The following HS3ST1 variants were observed in gnomAD, a reference collection of about 807,000 sequenced individuals.
The protein encoded by HS3ST1 is heparan sulfate glucosamine 3-O-sulfotransferase 1.
Under a neutral mutation model 20.7 loss-of-function variants are expected in HS3ST1, and 8 were observed. The ratio of observed to expected loss-of-function variants is 0.39; its 90% CI spans 0.23 to 0.70. The LOEUF (loss-of-function observed/expected upper bound fraction) is 0.70. HS3ST1 is among the 30% of genes least tolerant of loss of function. The pLI is 0.46. For missense variants in HS3ST1, 436 were observed against 423.4 expected, an observed-to-expected ratio of 1.03 and a Z score of -0.26; for synonymous variants, 205 against 190.4, an observed-to-expected ratio of 1.08 and a Z score of -0.63.
At chr4:11,410,720 T>C (rs918503001) in intron 1 of HS3ST1, among the ~76,000 whole-genome samples, 7 of 152,018 alleles carry the variant, frequency 4.6e-5, no homozygotes, top group African/African-American at 9.7e-5. Context: ...GGTGAAACCC[T>C]GTCTCTACTA....
In HS3ST1 at chr4:11,396,469, C is replaced by G. The variant is rs1325715074; in HGVS notation, c.*2613G>C. ...AGGAGACCCACCCCTTCCACTGACACCTGTCTCTGTTAATGGAATTGGTAG... is the reference window on the plus strand; with the variant it reads ...AGGAGACCCACCCCTTCCACTGACAGCTGTCTCTGTTAATGGAATTGGTAG... On this transcript the variant is annotated 3_prime_UTR_variant, in exon 2 of 2. Coordinates refer to ENST00000002596, the MANE Select transcript of HS3ST1 (RefSeq NM_005114.4). 1.3e-5 allele frequency: 2 copies of G among 152,270 alleles called. No homozygotes were observed. Among genetic ancestry groups the G allele is most frequent in the East Asian group, 1.9e-4 (1 of 5,192 alleles). 9.4% of individuals were successfully genotyped at this position (152,270 alleles called of 1,614,324 possible).
rs768764336 is a variant in HS3ST1, at chr4:11,399,457, C to G, written c.549G>C (p.Arg183Ser). The G allele has an allele frequency of 6.2e-7, 1 of 1,613,992 alleles. No individual in the cohort carries two copies. The highest frequency in any genetic ancestry group is 8.5e-7 in the Non-Finnish European group (1 of 1,180,000). ...TGAGGGCCTTGTAGTCCACATTGAG[C>G]CTGCCATCGCGCACCAGGAACTCCT... Reference protein sequence around the residue: ...SIEEFLVRDGRLNVDYKALNR... With the variant: ...SIEEFLVRDGSLNVDYKALNR... The change falls in exon 2 of 2, where the codon AGG becomes AGC. Residue 183 changes from arginine (R) to serine (S), a missense_variant. Coordinates refer to ENST00000002596, the MANE Select transcript of HS3ST1 (RefSeq NM_005114.4). The surrounding 1 kb of genome is among the most constrained non-coding windows in gnomAD (Gnocchi z 5.1).
Position 11,394,224 on chromosome 4 carries a change from C to G in HS3ST1, c.*4858G>C, listed in dbSNP as rs1718078771. The G allele has an allele frequency of 6.6e-6, 1 of 152,192 alleles. No individual in the cohort carries two copies. The highest frequency in any genetic ancestry group is 1.5e-5 in the Non-Finnish European group (1 of 68,048). The allele number at this position is 152,192 out of a possible 1,614,324, so 9.4% of individuals were successfully genotyped here. The stretch of plus-strand genomic sequence containing the variant: ...AGAAGGAAATGGAGGTTCTCAGAGT[C>G]TGAATCTAAGATCCCATGGTCAGTG... On this transcript the variant is annotated 3_prime_UTR_variant, in exon 2 of 2. Coordinates refer to ENST00000002596, the MANE Select transcript of HS3ST1 (RefSeq NM_005114.4).
intron 1 of HS3ST1, among the ~76,000 whole-genome samples, chr4:11,421,860 CT>C (rs1332342827): frequency 1.3e-5 from 2 of 152,200 alleles, no homozygotes; most frequent in African/African-American, 4.8e-5. Flanking sequence ...AGTCTGCCAC[CT>C]TTACTCTGGG....
chr4:11,418,725 AC>A (rs1314289503), intron 1 of HS3ST1, among the ~76,000 whole-genome samples: 1 of 151,870 alleles, frequency 6.6e-6, no homozygotes, highest in African/African-American at 2.4e-5. Flanking sequence ...AATAAACCAA[AC>A]CAAACCCCCA....
chr4:11,415,098 G>A, intron 1 of HS3ST1, among the ~76,000 whole-genome samples: 1 of 152,202 alleles, frequency 6.6e-6, no homozygotes, highest in Non-Finnish European at 1.5e-5. Flanking sequence ...AGGAAATTTG[G>A]AATATGCTTC....
chr4:11,399,145 T>G lies in HS3ST1; in HGVS notation c.861A>C (p.Glu287Asp), dbSNP rs1301642098. ...VDPKLLNKLH[E>D]YFHEPNKKFF... Reference sequence around the variant, plus strand: ...ACTTCTTATTTGGCTCATGAAAATATTCGTGCAGTTTATTGAGTAGTTTGG... The same window carrying G: ...ACTTCTTATTTGGCTCATGAAAATAGTCGTGCAGTTTATTGAGTAGTTTGG... Residue 287 changes from glutamate to aspartate, a missense_variant, in exon 2 of 2, where the codon GAA (glutamate) becomes GAC (aspartate). Transcript: ENST00000002596. The surrounding 1 kb of genome is among the most constrained non-coding windows in gnomAD (Gnocchi z 5.1). The G allele has an allele frequency of 1.2e-6, 2 of 1,614,186 alleles. No individual in the cohort carries two copies. Among genetic ancestry groups the G allele is most frequent in the South Asian group, 2.2e-5 (2 of 91,084 alleles).
At chr4:11,430,075 A>C (rs1719174423), upstream of HS3ST1, among the ~76,000 whole-genome samples, 1 of 152,206 alleles carries the variant, frequency 6.6e-6, no homozygotes. Context: ...ATCCCATCTA[A>C]GAGAAGGTTC....
intron 1 of HS3ST1, among the ~76,000 whole-genome samples, chr4:11,409,681 A>T (rs1438515892): frequency 1.3e-5 from 2 of 152,260 alleles, no homozygotes; most frequent in Non-Finnish European, 2.9e-5. Flanking sequence ...AAGGTATTTG[A>T]TGATAGCAGC....
At chr4:11,415,205 G>A (rs1718742095) in intron 1 of HS3ST1, among the ~76,000 whole-genome samples, 1 of 152,142 alleles carries the variant, frequency 6.6e-6, no homozygotes, top group Non-Finnish European at 1.5e-5. Flanking sequence ...ATGTAAATAG[G>A]GAAACAGAGA....
chr4:11,426,466 G>C (rs1259792837), intron 1 of HS3ST1, among the ~76,000 whole-genome samples: 1 of 151,832 alleles, frequency 6.6e-6, no homozygotes, highest in Non-Finnish European at 1.5e-5. Context: ...GGGGGGGCTT[G>C]AGGCTTCATT....
At chr4:11,426,099 G>T (rs972273004) in intron 1 of HS3ST1, among the ~76,000 whole-genome samples, 1 of 152,154 alleles carries the variant, frequency 6.6e-6, no homozygotes, top group African/African-American at 2.4e-5. Flanking sequence ...CCTGAGCACT[G>T]ACCCAGCCTA....
In HS3ST1 at chr4:11,394,449, G is replaced by GT. The variant is rs1407640566; in HGVS notation, c.*4632dup. 2 of 152,222 alleles carry GT rather than the reference G, an allele frequency of 1.3e-5. No homozygotes were observed. Among genetic ancestry groups the GT allele is most frequent in the East Asian group, 3.8e-4 (2 of 5,202 alleles). 9.4% of individuals were successfully genotyped at this position (152,222 alleles called of 1,614,324 possible). ...TCTTTAGCTTTGGCCTTCTCTCACT[G>GT]TGTGCTGTTTGGAGAACTCTGTTAT... On this transcript the variant is annotated 3_prime_UTR_variant, in exon 2 of 2. Coordinates refer to ENST00000002596, the MANE Select transcript of HS3ST1 (RefSeq NM_005114.4).
intron 1 of HS3ST1, among the ~76,000 whole-genome samples, chr4:11,412,113 G>A (rs1160155093): frequency 1.3e-5 from 2 of 152,138 alleles, no homozygotes; most frequent in Non-Finnish European, 2.9e-5. Context: ...CTTCTATTCA[G>A]GTAATCAATA....
chr4:11,395,504 G>A lies in HS3ST1; in HGVS notation c.*3578C>T, dbSNP rs1304561174. 1 of 104,724 alleles carries A rather than the reference G, an allele frequency of 9.5e-6. No homozygotes were observed. Among genetic ancestry groups the A allele is most frequent in the Non-Finnish European group, 1.8e-5 (1 of 56,102 alleles). The allele number at this position is 104,724 out of a possible 1,614,324, so 6.5% of individuals were successfully genotyped here. A position where few individuals can be genotyped will look rare whatever the true frequency, so the allele number is the denominator to read the frequency against. ...TTTTTTTTTTTTTTTTTGAGATGGA[G>A]TCTTGCTCTGTTGCCCAGGCTGGAG... is the stretch of plus-strand genomic sequence containing the variant. On this transcript the variant is annotated 3_prime_UTR_variant, in exon 2 of 2. Coordinates refer to ENST00000002596, the MANE Select transcript of HS3ST1 (RefSeq NM_005114.4).
chr4:11,410,899 AAAT>A (rs1348227861), intron 1 of HS3ST1, among the ~76,000 whole-genome samples: 59 of 21,674 alleles, frequency 2.7e-3, no homozygotes, highest in African/African-American at 7.3e-3. Flanking sequence ...CTCAAAAAAT[AAAT>A]AAATAAATAA....
In HS3ST1 at chr4:11,400,043, C is replaced by G; in HGVS notation, c.-38G>C. 1 of 1,457,002 alleles carries G rather than the reference C, an allele frequency of 6.9e-7. No individual in the cohort carries two copies. 90.3% of individuals were successfully genotyped at this position (1,457,002 alleles called of 1,614,324 possible). A position where few individuals can be genotyped will look rare whatever the true frequency, so the allele number is the denominator to read the frequency against. ...GGTGGCTTCACTGGGCCGCGCGCCG[C>G]TGGGTCATGAAGTGCCGCAGCAGGG... On this transcript the variant is annotated 5_prime_UTR_variant, in exon 2 of 2. Transcript: ENST00000002596.
At chr4:11,405,009 A>T (rs1372805807) in intron 1 of HS3ST1, among the ~76,000 whole-genome samples, 4 of 152,248 alleles carry the variant, frequency 2.6e-5, no homozygotes, top group Non-Finnish European at 5.9e-5. Flanking sequence ...CAGGAACTTC[A>T]CTGTCACTTT....
At chr4:11,424,625 C>T (rs1719016879) in intron 1 of HS3ST1, among the ~76,000 whole-genome samples, 1 of 152,132 alleles carries the variant, frequency 6.6e-6, no homozygotes, top group Non-Finnish European at 1.5e-5. Context: ...AACCTGGGCA[C>T]CAGAGGCACA....
Sources: allele counts gnomAD v4.1 joint callset (sites outside exome capture counted in the v4.1 genomes callset), GRCh38; gene constraint gnomAD v4.1.1; non-coding constraint Gnocchi (gnomAD v3.1); transcripts MANE v1.5; gene names NCBI Gene and HGNC (gene_info 2026-07-23, HGNC 2026-07-21).